PIP4K2B: variants seen among roughly 807,000 people sequenced by gnomAD.
PIP4K2B encodes phosphatidylinositol-5-phosphate 4-kinase type 2 beta.
A neutral mutation model predicts 42.0 loss-of-function variants in PIP4K2B; 3 were observed. That is an observed-to-expected ratio of 0.07 (90% confidence interval 0.03 to 0.18). The LOEUF (loss-of-function observed/expected upper bound fraction) is 0.18, where lower values mean the gene tolerates loss of function less well. PIP4K2B is among the 10% of genes least tolerant of loss of function. The pLI is 1.00. For missense variants in PIP4K2B, 332 were observed against 562.3 expected (o/e 0.59, Z 4.14); for synonymous variants, 204 against 210.1 (o/e 0.97, Z 0.25).
At chr17:38,786,750 G>A in intron 2 of PIP4K2B, 73 bp downstream of exon 2, 1 of 949,186 alleles carries the variant, frequency 1.1e-6, no homozygotes, top group Non-Finnish European at 1.7e-6. Flanking sequence ...CACCATGCAT[G>A]AGGCTTCAGA....
At chr17:38,793,751 G>A (rs1322858918) in intron 1 of PIP4K2B, among the ~76,000 whole-genome samples, 3 of 151,992 alleles carry the variant, frequency 2.0e-5, no homozygotes. Context: ...TGTGCCTGTA[G>A]TCCCAGCTAC....
chr17:38,791,801 T>G (rs558335109), intron 1 of PIP4K2B, among the ~76,000 whole-genome samples: 1 of 146,064 alleles, frequency 6.8e-6, no homozygotes, highest in African/African-American at 2.5e-5. Flanking sequence ...CAAAAAGACA[T>G]CTGCAGAGCT....
chr17:38,775,050 T>C (rs560582920), intron 7 of PIP4K2B, among the ~76,000 whole-genome samples: 2 of 151,710 alleles, frequency 1.3e-5, no homozygotes, highest in East Asian at 2.0e-4. Flanking sequence ...CCCGGGTTCA[T>C]GCCATTCTCC....
chr17:38,779,101 G>A (rs1344607254), intron 5 of PIP4K2B, among the ~76,000 whole-genome samples: 1 of 152,230 alleles, frequency 6.6e-6, no homozygotes, highest in Non-Finnish European at 1.5e-5. Context: ...ATGCTAAAGT[G>A]CATGCGTCAG....
chr17:38,789,851 CA>C (rs1422832010), intron 1 of PIP4K2B, among the ~76,000 whole-genome samples: 1 of 152,090 alleles, frequency 6.6e-6, no homozygotes, highest in African/African-American at 2.4e-5. Flanking sequence ...CAAAAACTGG[CA>C]TAGACACAAG....
chr17:38,790,521 G>C (rs566158951), intron 1 of PIP4K2B, among the ~76,000 whole-genome samples: 2 of 152,232 alleles, frequency 1.3e-5, no homozygotes, highest in South Asian at 2.1e-4. Flanking sequence ...TGCAGTGGCA[G>C]AATCTCCGCT....
At chr17:38,775,026 T>C (rs1909257222) in intron 7 of PIP4K2B, among the ~76,000 whole-genome samples, 1 of 151,856 alleles carries the variant, frequency 6.6e-6, no homozygotes, top group Non-Finnish European at 1.5e-5. Flanking sequence ...CTCGGCTCCC[T>C]GCAAGCTCCG....
intron 1 of PIP4K2B, among the ~76,000 whole-genome samples, chr17:38,795,399 G>A (rs1252180607): frequency 1.3e-5 from 2 of 152,158 alleles, no homozygotes; most frequent in African/African-American, 4.8e-5. Context: ...TTGAGGCCAG[G>A]AGTTCAGGAC....
intron 8 of PIP4K2B, among the ~76,000 whole-genome samples, chr17:38,770,768 TC>T (rs1246542349): frequency 6.6e-6 from 1 of 151,992 alleles, no homozygotes; most frequent in Non-Finnish European, 1.5e-5. Context: ...GTTTGGTTCA[TC>T]TCATGAACCA....
At chr17:38,770,366 C>T in intron 9 of PIP4K2B, 70 bp downstream of exon 9, 3 of 887,260 alleles carry the variant, frequency 3.4e-6, no homozygotes, top group South Asian at 1.4e-5. Flanking sequence ...GACTGCCCTC[C>T]CTGGGGTCTG....
In PIP4K2B at chr17:38,769,550, G is replaced by A. The variant is rs1908891861; in HGVS notation, c.*141C>T. The A allele has an allele frequency of 1.4e-6, 1 of 707,430 alleles. No individual in the cohort carries two copies. The highest frequency in any genetic ancestry group is 2.6e-6 in the Non-Finnish European group (1 of 382,084). The allele number at this position is 707,430 out of a possible 1,614,324, so 43.8% of individuals were successfully genotyped here. A position where few individuals can be genotyped will look rare whatever the true frequency, so the allele number is the denominator to read the frequency against. On this transcript the variant is annotated 3_prime_UTR_variant, in exon 10 of 10. Transcript: ENST00000619039. ...AGCTAAAGTCTCTTTCGGTGTCACA[G>A]GCTGCAGTCTCATTGCTAAAGCCCT...
Position 38,799,462 on chromosome 17 carries a change from G to A in PIP4K2B, c.-38C>T, listed in dbSNP as rs949108119. 1.4e-5 allele frequency: 21 copies of A among 1,526,490 alleles called. No homozygotes were observed. The highest frequency in any genetic ancestry group is 1.8e-5 in the Non-Finnish European group (21 of 1,144,882). The allele number at this position is 1,526,490 out of a possible 1,614,324, so 94.6% of individuals were successfully genotyped here. ...GGCGGCGGCGGCGAAAGAGGGGGGC[G>A]GCGGAGACAGCGCACAAGCCAGCGG... On this transcript the variant is annotated 5_prime_UTR_variant, in exon 1 of 10. Transcript: ENST00000619039. This position sits in a 1 kb window ranked among gnomAD's most constrained non-coding sequence, Gnocchi z 4.4.
rs1486138135 is a variant in PIP4K2B at position 38,778,329 on chromosome 17, C to G, written c.693+5G>C. 13 of 1,613,820 alleles carry G rather than the reference C, an allele frequency of 8.1e-6. No individual in the cohort carries two copies. The highest frequency in any genetic ancestry group is 1.1e-5 in the Non-Finnish European group (13 of 1,179,816). ...CCCTTCCATTCCTGCTCAGCACCAG[C>G]ATACCTTCTCCTTGTCGCTCGCTTC... On this transcript the variant is annotated splice_donor_5th_base_variant and intron_variant, in intron 6 of 9. Transcript: ENST00000619039.
chr17:38,772,490 C>T (rs1445272466), intron 7 of PIP4K2B, among the ~76,000 whole-genome samples: 1 of 152,170 alleles, frequency 6.6e-6, no homozygotes, highest in African/African-American at 2.4e-5. Flanking sequence ...TATCACAGTG[C>T]TTGTATTCAA....
chr17:38,778,818 G>A (rs902739991), intron 5 of PIP4K2B, among the ~76,000 whole-genome samples: 3 of 152,180 alleles, frequency 2.0e-5, no homozygotes, highest in African/African-American at 7.2e-5. Flanking sequence ...GGGTAAGGAG[G>A]AAGCAATTAG....
rs1270689341 is a variant in PIP4K2B at position 38,799,420 on chromosome 17, G to A, written c.5C>T (p.Ser2Leu). M[S>L]SNCTSTTAVA... ...CGCCGTGGTGCTGGTGCAGTTGGAC[G>A]ACATGCCCGGGGCGGCGGCGGCGGC... The change falls in exon 1 of 10, where the codon TCG becomes TTG. Residue 2 changes from serine to leucine, a missense_variant. Coordinates refer to ENST00000619039, the MANE Select transcript of PIP4K2B (RefSeq NM_003559.5). The surrounding 1 kb of genome is among the most constrained non-coding windows in gnomAD (Gnocchi z 4.4). The A allele has an allele frequency of 2.5e-6, 4 of 1,590,862 alleles. No individual in the cohort carries two copies. The highest frequency in any genetic ancestry group is 3.4e-6 in the Non-Finnish European group (4 of 1,173,554).
At position 38,766,582 on chromosome 17, in the gene PIP4K2B, G is replaced by A. The variant is rs1263288505; in HGVS notation, c.*3109C>T. 6.5e-6 allele frequency: 1 copy of A among 152,748 alleles called. No individual in the cohort carries two copies. Among genetic ancestry groups the A allele is most frequent in the Non-Finnish European group, 1.5e-5 (1 of 68,132 alleles). 9.5% of individuals were successfully genotyped at this position (152,748 alleles called of 1,614,324 possible). A position where few individuals can be genotyped will look rare whatever the true frequency, so the allele number is the denominator to read the frequency against. On this transcript the variant is annotated 3_prime_UTR_variant, in exon 10 of 10. Transcript: ENST00000619039. ...AGGCCAAAAGCACAGGCAAGAGAAA[G>A]AGTCAAGTAGGGAGAGGGGATAAAG...
chr17:38,776,080 C>T (rs1909325034), intron 7 of PIP4K2B: 1 of 441,372 alleles, frequency 2.3e-6, no homozygotes, highest in African/African-American at 2.1e-5. Context: ...AAGCGATTCT[C>T]TTGCCTCAGC....
chr17:38,783,820 CAAA>C lies in PIP4K2B; in HGVS notation c.354+420_354+422del, dbSNP rs201710190. Among the ~76,000 whole-genome samples the C allele has an allele frequency of 4.2e-3, 633 of 152,270 alleles. 5 individuals carry two copies. The highest frequency in any genetic ancestry group is 0.015 in the African/African-American group (603 of 41,556). On this transcript the variant is annotated intron_variant, in intron 3 of 9. Transcript: ENST00000619039. ...TTCACCATGTTGGCCAGGCTGGTCT[CAAA>C]CTCCTGACCTCAGGTGACCTACCTG...
Sources: gnomAD v4.1 joint callset for allele counts (sites outside exome capture counted in the v4.1 genomes callset) on GRCh38, gnomAD v4.1.1 for gene constraint, Gnocchi (gnomAD v3.1) non-coding constraint, MANE v1.5 for transcripts, NCBI Gene and HGNC (gene_info 2026-07-23, HGNC 2026-07-21) for gene names.